The following EPB42 variants were observed in gnomAD, a reference collection of about 807,000 sequenced individuals.
EPB42 encodes protein 4.2.
A neutral mutation model predicts 76.9 loss-of-function variants in EPB42; 49 were observed. That is an observed-to-expected ratio of 0.64 (90% CI 0.51 to 0.81). The LOEUF (loss-of-function observed/expected upper bound fraction) is 0.81, where lower values mean the gene tolerates loss of function less well. EPB42 is among the 30% of genes least tolerant of loss of function. The pLI is 0.00. For missense variants in EPB42, 731 were observed against 867.6 expected (o/e 0.84, Z 1.98); for synonymous variants, 310 against 338.4 (o/e 0.92, Z 0.92).
intron 4 of EPB42, 131 bp from the exon 5 acceptor site, chr15:43,210,570 C>A (rs1460257365): frequency 1.3e-6 from 1 of 799,000 alleles, no homozygotes; most frequent in Non-Finnish European, 2.1e-6. Flanking sequence ...GCACTCCACA[C>A]CTGCCTCCCT....
chr15:43,208,852 G>A lies in EPB42; in HGVS notation c.833-77C>T, dbSNP rs2042248071. 2.6e-6 allele frequency: 4 copies of A among 1,523,190 alleles called. No homozygotes were observed. The South Asian group carries it at 4.7e-5, about 18-fold the overall frequency. The allele number at this position is 1,523,190 out of a possible 1,614,324, so 94.4% of individuals were successfully genotyped here. On this transcript the variant is annotated intron_variant, in intron 6 of 12. Coordinates refer to ENST00000441366, the MANE Select transcript of EPB42 (RefSeq NM_001114134.2). Reference sequence around the variant, plus strand: ...GGCGTGTGGGAGGCTAGGATTTTCAGTGTCTCCTCTGGGCACTGAAAACTT... The same window carrying A: ...GGCGTGTGGGAGGCTAGGATTTTCAATGTCTCCTCTGGGCACTGAAAACTT...
intron 3 of EPB42, 23 bp from the exon 4 acceptor site, chr15:43,211,557 G>T: frequency 2.0e-6 from 3 of 1,514,414 alleles, no homozygotes; most frequent in Non-Finnish European, 2.8e-6. Flanking sequence ...GGGTAGGGAT[G>T]AGGGCCTGTG....
At chr15:43,208,172 C>A (rs539267001) in intron 8 of EPB42, 58 bp downstream of exon 8, 1 of 1,506,502 alleles carries the variant, frequency 6.6e-7, no homozygotes, top group Non-Finnish European at 9.2e-7. Context: ...CGAGTCCTCT[C>A]TGGGGACTTC....
At chr15:43,216,688 G>A (rs1464236403) in intron 1 of EPB42, among the ~76,000 whole-genome samples, 1 of 152,120 alleles carries the variant, frequency 6.6e-6, no homozygotes, top group Non-Finnish European at 1.5e-5. Context: ...ACATTTAGCC[G>A]TGTCAGATAC....
At chr15:43,223,437 A>G (rs539484366), upstream of EPB42, among the ~76,000 whole-genome samples, 1 of 152,322 alleles carries the variant, frequency 6.6e-6, no homozygotes, top group South Asian at 2.1e-4. Flanking sequence ...AGAATAACAA[A>G]CTATTAGAAA....
chr15:43,219,958 A>G (rs994878219), intron 1 of EPB42, among the ~76,000 whole-genome samples: 1 of 151,998 alleles, frequency 6.6e-6, no homozygotes, highest in Non-Finnish European at 1.5e-5. Context: ...AAAAAAAAAA[A>G]AAGGACAATT....
Position 43,208,779 on chromosome 15 carries a change from T to C in EPB42, c.833-4A>G, listed in dbSNP as rs61343376. The C allele has an allele frequency of 9.8e-3, 15,854 of 1,613,598 alleles. 1,101 individuals carry two copies. In the African/African-American group the frequency reaches 0.16, roughly 17 times the overall value. On this transcript the variant is annotated splice_region_variant and splice_polypyrimidine_tract_variant and intron_variant, in intron 6 of 12. Transcript: ENST00000441366. ...GGGATTCCCAGGCATCGCAGCACTG[T>C]GAGAAGAGGGGCGGAGTGTCAGGGG...
chr15:43,203,150 C>T lies in EPB42; in HGVS notation c.1744G>A (p.Asp582Asn), dbSNP rs754319779. The T allele has an allele frequency of 1.2e-6, 2 of 1,614,056 alleles. No homozygotes were observed. The highest frequency in any genetic ancestry group is 1.7e-6 in the Non-Finnish European group (2 of 1,180,018). Residue 582 changes from aspartate (D) to asparagine (N), a missense_variant, in exon 11 of 13, where the codon GAC becomes AAC. Asp to Asn is a conservative substitution (Grantham distance 23, BLOSUM62 1). Coordinates refer to ENST00000441366, the MANE Select transcript of EPB42 (RefSeq NM_001114134.2). ...AGGTGTGGTCTACAAATGGCAATGT[C>T]TTCCTGAGCAAAGCAGCTAAGGTTG... ...ESNLSCFAQE[D>N]IAICRPHLAI...
At chr15:43,215,848 G>A (rs2142317064) in intron 2 of EPB42, among the ~76,000 whole-genome samples, 1 of 152,234 alleles carries the variant, frequency 6.6e-6, no homozygotes, top group Non-Finnish European at 1.5e-5. Context: ...AGGCCACCAT[G>A]CCTGGCTAAT....
intron 4 of EPB42, 126 bp from the exon 5 acceptor site, chr15:43,210,565 C>G: frequency 1.2e-6 from 1 of 816,508 alleles, no homozygotes; most frequent in Non-Finnish European, 2.0e-6. Flanking sequence ...GACCCGCACT[C>G]CACACCTGCC....
intron 7 of EPB42, 35 bp from the exon 8 acceptor site, chr15:43,208,368 A>T: frequency 1.9e-6 from 3 of 1,601,658 alleles, no homozygotes; most frequent in Non-Finnish European, 2.6e-6. Flanking sequence ...CAAGTGGGAA[A>T]GAAAACGAGT....
At position 43,220,798 on chromosome 15, in the gene EPB42, A is replaced by C. The variant is rs2042450595; in HGVS notation, c.10+18T>G. On this transcript the variant is annotated intron_variant, in intron 1 of 12. Coordinates refer to ENST00000441366, the MANE Select transcript of EPB42 (RefSeq NM_001114134.2). The stretch of plus-strand genomic sequence containing the variant: ...GCATACAGTCCAGCAAGCCCTGTCG[A>C]GCGCTGGCTTGGCTCACCCTGTCCC... The C allele has an allele frequency of 1.2e-6, 2 of 1,612,800 alleles. No homozygotes were observed. The highest frequency in any genetic ancestry group is 1.7e-5 in the Admixed American group (1 of 59,990).
At chr15:43,221,560 T>C (rs2042460404), upstream of EPB42, among the ~76,000 whole-genome samples, 1 of 152,178 alleles carries the variant, frequency 6.6e-6, no homozygotes, top group Admixed American at 6.5e-5. Flanking sequence ...CTTTAGTTCC[T>C]GAAGAGACAA....
chr15:43,206,726 C>G lies in EPB42; in HGVS notation c.1319-97G>C. Reference sequence around the variant, plus strand: ...TCAAAACCATTTACCCACTTCTGCTCAAATGCCAAAGTCACAAGAACTCAG... The same window carrying G: ...TCAAAACCATTTACCCACTTCTGCTGAAATGCCAAAGTCACAAGAACTCAG... On this transcript the variant is annotated intron_variant, in intron 9 of 12. Transcript: ENST00000441366. The surrounding 1 kb of genome is among the most constrained non-coding windows in gnomAD (Gnocchi z 4.7). The G allele has an allele frequency of 6.9e-7, 1 of 1,439,714 alleles. No individual in the cohort carries two copies. Among genetic ancestry groups the G allele is most frequent in the Non-Finnish European group, 9.6e-7 (1 of 1,042,034 alleles). The allele number at this position is 1,439,714 out of a possible 1,614,324, so 89.2% of individuals were successfully genotyped here.
At chr15:43,200,026 T>C (rs2042104138) in intron 12 of EPB42, among the ~76,000 whole-genome samples, 1 of 152,208 alleles carries the variant, frequency 6.6e-6, no homozygotes, top group Non-Finnish European at 1.5e-5. Flanking sequence ...CGAACTAATA[T>C]AAAGAGCTAT....
At chr15:43,203,075 G>A (rs777611580) in intron 11 of EPB42, 40 bp downstream of exon 11, 2 of 1,612,936 alleles carry the variant, frequency 1.2e-6, no homozygotes, top group East Asian at 4.5e-5. Flanking sequence ...GACCTGAGTG[G>A]TGGCAGACGA....
intron 6 of EPB42, 97 bp downstream of exon 6, chr15:43,209,177 G>T (rs1402655370): frequency 7.1e-7 from 1 of 1,405,760 alleles, no homozygotes; most frequent in Non-Finnish European, 1.0e-6. Context: ...TGCGGCCGCA[G>T]GGAGGCAGCA....
chr15:43,211,593 C>T, intron 3 of EPB42, 59 bp from the exon 4 acceptor site: 1 of 1,131,102 alleles, frequency 8.8e-7, no homozygotes, highest in Non-Finnish European at 1.4e-6. Context: ...CCCTCCACAT[C>T]CAGGCCTCTG....
chr15:43,223,995 T>A (rs77483109), upstream of EPB42, among the ~76,000 whole-genome samples: 7,842 of 151,946 alleles, frequency 0.052, 669 homozygotes, highest in African/African-American at 0.17. Context: ...ATAAATAAAT[T>A]AATTAATAAA....
Sources: gnomAD v4.1 joint callset for allele counts (sites outside exome capture counted in the v4.1 genomes callset) on GRCh38, gnomAD v4.1.1 for gene constraint, Gnocchi (gnomAD v3.1) non-coding constraint, MANE v1.5 for transcripts, NCBI Gene and HGNC (gene_info 2026-07-23, HGNC 2026-07-21) for gene names.